Variants in HOXC6 observed in about 807,000 individuals in gnomAD.
HOXC6 encodes the protein homeobox protein Hox-C6.
HOXC6 carries 10 observed loss-of-function variants against 24.0 expected under a neutral mutation model. The observed-to-expected ratio is 0.42, with a 90% CI of 0.26 to 0.71. HOXC6 has a LOEUF of 0.71. HOXC6 is among the 30% of genes least tolerant of loss of function. HOXC6 has a pLI of 0.28. For synonymous variants in HOXC6, 123 were observed against 128.1 expected (o/e 0.96, Z 0.27); for missense variants, 258 against 303.4 (o/e 0.85, Z 1.11).
chr12:54,028,267 A>ATTT (rs926541390), upstream of HOXC6: 6 of 75,596 alleles, frequency 7.9e-5, no homozygotes, highest in African/African-American at 2.3e-4. Flanking sequence ...ATATATATAT[A>ATTT]TTTTTTAAAA....
intron 1 of HOXC6, chr12:54,020,232 A>T (rs2136418037): frequency 6.6e-6 from 1 of 152,114 alleles, no homozygotes; most frequent in African/African-American, 2.4e-5. Context: ...TGGCTCAAGG[A>T]CTCTGCACAC....
At position 54,030,725 on chromosome 12, in the gene HOXC6, T is replaced by C. The variant is rs1407800554; in HGVS notation, c.*763T>C. 3 of 152,592 alleles carry C rather than the reference T, an allele frequency of 2.0e-5. No homozygotes were observed. The highest frequency in any genetic ancestry group is 2.9e-5 in the Non-Finnish European group (2 of 68,018). The allele number at this position is 152,592 out of a possible 1,614,324, so 9.5% of individuals were successfully genotyped here. A position where few individuals can be genotyped will look rare whatever the true frequency, so the allele number is the denominator to read the frequency against. ...TGTTTAGCCAGTAGGAGAAAATAAATAAATAAATAAATCCCTTCGTGTTAC... is the reference window on the plus strand; with the variant it reads ...TGTTTAGCCAGTAGGAGAAAATAAACAAATAAATAAATCCCTTCGTGTTAC... On this transcript the variant is annotated 3_prime_UTR_variant, in exon 2 of 2. Coordinates refer to ENST00000243108, the MANE Select transcript of HOXC6 (RefSeq NM_004503.4).
In HOXC6 at chr12:54,028,505, C is replaced by T. The variant is rs752847213; in HGVS notation, c.-17C>T. The T allele has an allele frequency of 6.2e-7, 1 of 1,608,856 alleles. No homozygotes were observed. Among genetic ancestry groups the T allele is most frequent in the Non-Finnish European group, 8.5e-7 (1 of 1,177,174 alleles). The stretch of plus-strand genomic sequence containing the variant: ...AATATTAAAGAAATCATAGACCGAC[C>T]AGGTAAAGGCAAAGGGATGAATTCC... On this transcript the variant is annotated 5_prime_UTR_variant, in exon 1 of 2. Transcript: ENST00000243108.
intron 1 of HOXC6, chr12:54,021,987 A>T (rs1940469867): frequency 6.6e-6 from 1 of 152,254 alleles, no homozygotes; most frequent in South Asian, 2.1e-4. Flanking sequence ...ATAGTCTTAA[A>T]ACAGGGCAGC....
At chr12:54,020,302 C>T (rs1045319372) in intron 1 of HOXC6, 1 of 152,282 alleles carries the variant, frequency 6.6e-6, no homozygotes, top group Admixed American at 6.5e-5. Flanking sequence ...GGAGCCTCCC[C>T]CTCTGAGCCC....
rs1246955338 is a variant in HOXC6 at position 54,030,133 on chromosome 12, C to T, written c.*171C>T. The T allele has an allele frequency of 3.3e-6, 2 of 615,224 alleles. No individual in the cohort carries two copies. Among genetic ancestry groups the T allele is most frequent in the South Asian group, 2.4e-5 (1 of 41,070 alleles). 38.1% of individuals were successfully genotyped at this position (615,224 alleles called of 1,614,324 possible). On this transcript the variant is annotated 3_prime_UTR_variant, in exon 2 of 2. Coordinates refer to ENST00000243108, the MANE Select transcript of HOXC6 (RefSeq NM_004503.4). The stretch of plus-strand genomic sequence containing the variant: ...AAAGTCAGCTCTGGACCCCCTCCCT[C>T]ACCGCACAACTCTCTTTCACCACGC...
At chr12:54,018,937 T>C (rs1488744104) in intron 1 of HOXC6, among the ~76,000 whole-genome samples, 1 of 152,092 alleles carries the variant, frequency 6.6e-6, no homozygotes, top group African/African-American at 2.4e-5. Context: ...CCCTGACCCG[T>C]CGCCTGTGGG....
chr12:54,025,005 T>C (rs1940626813), upstream of HOXC6, among the ~76,000 whole-genome samples: 1 of 152,192 alleles, frequency 6.6e-6, no homozygotes, highest in South Asian at 2.1e-4. Flanking sequence ...TCTCTGAAAG[T>C]GAAAATCTGC....
chr12:54,017,935 T>C (rs924984010), intron 1 of HOXC6, among the ~76,000 whole-genome samples: 3 of 151,874 alleles, frequency 2.0e-5, no homozygotes, highest in Non-Finnish European at 4.4e-5. Context: ...GCGCGACTGC[T>C]AGAGCTCACA....
rs111518456 is a variant in HOXC6 at position 54,028,800 on chromosome 12, A to G, written c.279A>G (p.Gly93=). 322 of 1,614,152 alleles carry G rather than the reference A, an allele frequency of 2.0e-4. No homozygotes were observed. In the African/African-American group the frequency reaches 3.7e-3, roughly 18 times the overall value. ...CAAACTGCAGACAAAACACCTTAGG[A>G]CATAACACACAGACCTCAATCGCTC... is the stretch of plus-strand genomic sequence containing the variant. ...MLSNCRQNTL[G]HNTQTSIAQD... The change falls in exon 1 of 2, where the codon GGA becomes GGG. Residue 93 remains glycine, a synonymous_variant. Coordinates refer to ENST00000243108, the MANE Select transcript of HOXC6 (RefSeq NM_004503.4).
At chr12:54,024,274 G>A (rs1201707808), upstream of HOXC6, among the ~76,000 whole-genome samples, 3 of 152,190 alleles carry the variant, frequency 2.0e-5, no homozygotes, top group South Asian at 2.1e-4. Flanking sequence ...CTGCGGTCGC[G>A]TCCAGGCAGC....
At chr12:54,024,601 A>G (rs1359690584), upstream of HOXC6, among the ~76,000 whole-genome samples, 1 of 152,150 alleles carries the variant, frequency 6.6e-6, no homozygotes, top group East Asian at 1.9e-4. Flanking sequence ...CCCAGAGCTG[A>G]GTGGAAAGCA....
In HOXC6 at chr12:54,029,919, A is replaced by C; in HGVS notation, c.665A>C (p.Glu222Ala). 1.2e-6 allele frequency: 2 copies of C among 1,605,380 alleles called. No individual in the cohort carries two copies. Among genetic ancestry groups the C allele is most frequent in the Non-Finnish European group, 1.7e-6 (2 of 1,175,388 alleles). ...ACCGCCGACAGCCTGGGCGGAAAAG[A>C]GGAAAAGCGGGAAGAGACAGAAGAG... Reference protein sequence around the residue: ...GATADSLGGKEEKREETEEEK... With the variant: ...GATADSLGGKAEKREETEEEK... Residue 222 changes from glutamate to alanine, a missense_variant, in exon 2 of 2, where the codon GAG (glutamate) becomes GCG (alanine). Physicochemically the swap from Glu to Ala is moderately radical, Grantham distance 107. Coordinates refer to ENST00000243108, the MANE Select transcript of HOXC6 (RefSeq NM_004503.4).
chr12:54,028,267 A>ATATATATT (rs3031476), upstream of HOXC6: 3 of 75,596 alleles, frequency 4.0e-5, no homozygotes, highest in Non-Finnish European at 8.9e-5. Flanking sequence ...ATATATATAT[A>ATATATATT]TTTTTTAAAA....
At chr12:54,025,869 C>T (rs1030813000), upstream of HOXC6, among the ~76,000 whole-genome samples, 2 of 152,072 alleles carry the variant, frequency 1.3e-5, no homozygotes, top group Admixed American at 6.5e-5. Flanking sequence ...TCAAGGAAAC[C>T]TAGGCATCCT....
chr12:54,029,660 G>A lies in HOXC6; in HGVS notation c.406G>A (p.Gly136Ser). The stretch of plus-strand genomic sequence containing the variant: ...TTTTGTGCCCGGATCTTTAGGGGTC[G>A]GCTACGGAGCGGACCGGAGGCGCGG... ...MQRMNSHSGV[G>S]YGADRRRGRQ... The change falls in exon 2 of 2, where the codon GGC becomes AGC. Residue 136 changes from glycine to serine, a missense_variant. Gly to Ser is a moderately conservative substitution (Grantham distance 56). Coordinates refer to ENST00000243108, the MANE Select transcript of HOXC6 (RefSeq NM_004503.4). 1 of 1,611,188 alleles carries A rather than the reference G, an allele frequency of 6.2e-7. No individual in the cohort carries two copies. Among genetic ancestry groups the A allele is most frequent in the Non-Finnish European group, 8.5e-7 (1 of 1,177,926 alleles).
At chr12:54,018,947 G>T (rs935412843) in intron 1 of HOXC6, among the ~76,000 whole-genome samples, 1 of 152,174 alleles carries the variant, frequency 6.6e-6, no homozygotes, top group Non-Finnish European at 1.5e-5. Context: ...TCGCCTGTGG[G>T]GGGGCGGGGA....
intron 1 of HOXC6, among the ~76,000 whole-genome samples, chr12:54,019,666 GC>G (rs1038536730): frequency 2.6e-5 from 4 of 151,932 alleles, no homozygotes; most frequent in Admixed American, 2.6e-4. Context: ...TATTAGAAGG[GC>G]CCCCTCCCAC....
chr12:54,020,615 G>A (rs566181924), intron 1 of HOXC6: 71 of 152,256 alleles, frequency 4.7e-4, no homozygotes, highest in African/African-American at 1.7e-3. Flanking sequence ...TTCCTTGGTG[G>A]TTAATTGTAT....
Sources: gnomAD v4.1 joint callset for allele counts (sites outside exome capture counted in the v4.1 genomes callset) on GRCh38, gnomAD v4.1.1 for gene constraint, MANE v1.5 for transcripts, NCBI Gene and HGNC (gene_info 2026-07-23, HGNC 2026-07-21) for gene names.